The following ERBIN variants were observed in gnomAD, a reference collection of about 807,000 sequenced individuals.
ERBIN encodes erbb2 interacting protein.
Under a neutral mutation model 158.4 loss-of-function variants are expected in ERBIN, and 60 were observed. The ratio of observed to expected loss-of-function variants is 0.38; its 90% CI spans 0.31 to 0.47. The LOEUF (loss-of-function observed/expected upper bound fraction) is 0.47, where lower values mean the gene tolerates loss of function less well. ERBIN is among the 20% of genes least tolerant of loss of function. The probability of loss-of-function intolerance (pLI) is 0.99; values close to 1 mark genes in which losing one functional copy is unlikely to be tolerated. For synonymous variants in ERBIN, 594 were observed against 557.2 expected (o/e 1.07, Z -0.93); for missense variants, 1,610 against 1,648.0 (o/e 0.98, Z 0.40).
intron 21 of ERBIN, among the ~76,000 whole-genome samples, chr5:66,055,778 TACA>T (rs1382756428): frequency 6.6e-6 from 1 of 152,166 alleles, no homozygotes; most frequent in Non-Finnish European, 1.5e-5. Context: ...CAGGTGAACA[TACA>T]ACTTCAATTA....
At chr5:65,977,095 G>A (rs1291254486) in intron 1 of ERBIN, among the ~76,000 whole-genome samples, 1 of 151,416 alleles carries the variant, frequency 6.6e-6, no homozygotes, top group African/African-American at 2.4e-5. Context: ...AGGGGCGGCC[G>A]GGCAGAGGCG....
At chr5:66,013,710 G>GGT in intron 6 of ERBIN, 72 bp downstream of exon 6, 1 of 941,260 alleles carries the variant, frequency 1.1e-6, no homozygotes, top group East Asian at 2.4e-5. Context: ...AAGCTGCTTT[G>GGT]GTAGTACTAC....
intron 2 of ERBIN, among the ~76,000 whole-genome samples, chr5:65,990,380 G>A (rs1751733038): frequency 6.6e-6 from 1 of 151,916 alleles, no homozygotes; most frequent in Non-Finnish European, 1.5e-5. Context: ...GAGTGACTGA[G>A]TAAGTAGGCC....
At chr5:65,946,975 T>G (rs1438877086) in intron 1 of ERBIN, among the ~76,000 whole-genome samples, 1 of 152,094 alleles carries the variant, frequency 6.6e-6, no homozygotes, top group African/African-American at 2.4e-5. Context: ...TTTGTAAGTA[T>G]TGAATTTTGA....
intron 1 of ERBIN, among the ~76,000 whole-genome samples, chr5:65,983,507 A>G (rs1041214118): frequency 5.3e-5 from 8 of 152,178 alleles, no homozygotes; most frequent in African/African-American, 1.4e-4. Context: ...TAAGGGGTTA[A>G]TAATGTTCAT....
intron 22 of ERBIN, among the ~76,000 whole-genome samples, chr5:66,073,400 GT>G (rs200473164): frequency 6.6e-6 from 1 of 151,932 alleles, no homozygotes; most frequent in Non-Finnish European, 1.5e-5. Context: ...TAATAAACAG[GT>G]TTTTTTCCTC....
chr5:66,051,534 T>C (rs938375881), intron 20 of ERBIN, among the ~76,000 whole-genome samples: 2 of 152,160 alleles, frequency 1.3e-5, no homozygotes, highest in African/African-American at 2.4e-5. Context: ...AATTTGGTTA[T>C]CAGAGTAAGG....
chr5:65,998,818 C>T (rs1018363239), intron 4 of ERBIN, among the ~76,000 whole-genome samples: 2 of 149,880 alleles, frequency 1.3e-5, no homozygotes, highest in Non-Finnish European at 3.0e-5. Context: ...TTGCTTGAGC[C>T]TGGGAAGTCA....
intron 4 of ERBIN, among the ~76,000 whole-genome samples, chr5:65,995,252 A>G (rs1752296949): frequency 6.6e-6 from 1 of 151,964 alleles, no homozygotes. Flanking sequence ...GAAATCTTAT[A>G]CCCTTTGAAC....
At chr5:65,977,207 CA>C (rs1287074886) in intron 1 of ERBIN, among the ~76,000 whole-genome samples, 5 of 142,986 alleles carry the variant, frequency 3.5e-5, no homozygotes, top group African/African-American at 1.4e-4. Context: ...GACCCCCCCC[CA>C]CCTCCCTCCC....
intron 8 of ERBIN, chr5:66,022,868 A>T (rs1451340073): frequency 6.5e-6 from 1 of 153,604 alleles, no homozygotes; most frequent in Non-Finnish European, 1.4e-5. Context: ...GTCACCAGGG[A>T]ACATTTGTAA....
intron 21 of ERBIN, among the ~76,000 whole-genome samples, chr5:66,063,926 G>C (rs1334492210): frequency 6.6e-6 from 1 of 152,060 alleles, no homozygotes. Flanking sequence ...TGGAAATTTG[G>C]TATTTTCTTC....
At chr5:66,047,766 A>G (rs573934594) in intron 18 of ERBIN, among the ~76,000 whole-genome samples, 4 of 152,024 alleles carry the variant, frequency 2.6e-5, no homozygotes, top group South Asian at 4.1e-4. Flanking sequence ...TCAATACGCT[A>G]TGGTATGCAC....
rs748373996 is a variant in ERBIN, at chr5:66,050,812, G to A, written c.1933G>A (p.Asp645Asn). The change falls in exon 20 of 26, where the codon GAT becomes AAT. Residue 645 changes from aspartate to asparagine, a missense_variant. Asp to Asn is a conservative substitution (Grantham distance 23). Coordinates refer to ENST00000284037, the MANE Select transcript of ERBIN (RefSeq NM_001253697.2). ...DDTKETDSLS[D>N]EVTHNSNQNN... is the part of the protein sequence containing the mutation. ...TACAAAGGAAACAGATTCTTTATCA[G>A]ATGAAGTTACACACAATAGCAATCA... is the stretch of plus-strand genomic sequence containing the variant. The A allele has an allele frequency of 3.2e-6, 5 of 1,566,924 alleles. No homozygotes were observed. The highest frequency in any genetic ancestry group is 4.3e-6 in the Non-Finnish European group (5 of 1,161,562).
In ERBIN at chr5:65,953,011, G is replaced by A. The variant is rs549920495; in HGVS notation, c.-58+26205G>A. 3.9e-5 allele frequency among the ~76,000 whole-genome samples: 6 copies of A among 152,306 alleles called. No individual in the cohort carries two copies. The South Asian group carries it at 1.2e-3, about 32-fold the overall frequency. On this transcript the variant is annotated intron_variant, in intron 1 of 25. Coordinates refer to ENST00000284037, the MANE Select transcript of ERBIN (RefSeq NM_001253697.2). ...TAAGTATACCATAATAAGACCCTGG[G>A]AGGCCAGGTTAGAATTTAGTATTTT...
intron 25 of ERBIN, 126 bp downstream of exon 25, chr5:66,077,075 C>T (rs766389139): frequency 4.6e-5 from 28 of 610,226 alleles, no homozygotes; most frequent in East Asian, 6.7e-5. Context: ...GGCGTGAACC[C>T]GGGAGGCGGC....
chr5:66,069,359 A>G (rs893430130), intron 21 of ERBIN, among the ~76,000 whole-genome samples: 5 of 152,242 alleles, frequency 3.3e-5, no homozygotes, highest in African/African-American at 1.2e-4. Context: ...AGGCTATGCT[A>G]TATGTAATCC....
chr5:66,036,653 A>G (rs1757426763), intron 14 of ERBIN, among the ~76,000 whole-genome samples: 1 of 152,152 alleles, frequency 6.6e-6, no homozygotes, highest in Non-Finnish European at 1.5e-5. Flanking sequence ...CATAAACTCT[A>G]CAGTAAAGTC....
intron 1 of ERBIN, chr5:65,984,992 G>A (rs764287090): frequency 6.6e-6 from 1 of 152,140 alleles, no homozygotes; most frequent in Non-Finnish European, 1.5e-5. Flanking sequence ...TCAAGTAGTG[G>A]ATGGGGAAGG....
Sources: gnomAD v4.1 joint callset for allele counts (sites outside exome capture counted in the v4.1 genomes callset) on GRCh38, gnomAD v4.1.1 for gene constraint, MANE v1.5 for transcripts, NCBI Gene and HGNC (gene_info 2026-07-23, HGNC 2026-07-21) for gene names.